ENOX1: variants seen among roughly 807,000 people sequenced by gnomAD.
ENOX1 encodes the protein ecto-NOX disulfide-thiol exchanger 1.
Under a neutral mutation model 82.5 loss-of-function variants are expected in ENOX1, and 42 were observed. The observed-to-expected ratio is 0.51, with a 90% CI of 0.40 to 0.66. The LOEUF is 0.66. Ranked by LOEUF, ENOX1 falls within the 30% of genes least tolerant of loss-of-function variation. ENOX1 has a pLI of 0.00. For missense variants in ENOX1, 608 were observed against 811.6 expected (o/e 0.75, Z 3.05); for synonymous variants, 271 against 282.2 (o/e 0.96, Z 0.40).
At chr13:43,715,113 C>T (rs923205172) in intron 1 of ENOX1, among the ~76,000 whole-genome samples, 15 of 152,076 alleles carry the variant, frequency 9.9e-5, no homozygotes, top group African/African-American at 3.6e-4. Flanking sequence ...CTGGTGGTGA[C>T]AAAATCTCTC....
intron 1 of ENOX1, among the ~76,000 whole-genome samples, chr13:43,718,676 C>CAAAAAAAAAAAAAAAA (rs61671392): frequency 7.2e-5 from 4 of 55,586 alleles, no homozygotes; most frequent in African/African-American, 3.2e-4. Context: ...GACTCCGTCT[C>CAAAAAAAAAAAAAAAA]AAAAAAAAAA....
intron 2 of ENOX1, among the ~76,000 whole-genome samples, chr13:43,553,677 T>C (rs2079305061): frequency 6.8e-6 from 1 of 146,830 alleles, no homozygotes; most frequent in Non-Finnish European, 1.5e-5. Context: ...TTAAGGCTGA[T>C]ATGTTGGAGA....
intron 2 of ENOX1, among the ~76,000 whole-genome samples, chr13:43,657,978 T>C (rs57930593): frequency 1.4e-3 from 208 of 152,340 alleles, no homozygotes; most frequent in African/African-American, 4.9e-3. Context: ...TTAACTTTTA[T>C]AGAATATGAA....
intron 1 of ENOX1, among the ~76,000 whole-genome samples, chr13:43,727,061 C>T (rs899163008): frequency 3.3e-5 from 5 of 152,030 alleles, no homozygotes; most frequent in South Asian, 2.1e-4. Context: ...AGTGATGCAC[C>T]GAAGAACACC....
chr13:43,280,700 A>G (rs2045327023), intron 12 of ENOX1, among the ~76,000 whole-genome samples: 1 of 152,240 alleles, frequency 6.6e-6, no homozygotes, highest in South Asian at 2.1e-4. Context: ...TGATAATTGT[A>G]GAACTTTAGT....
chr13:43,687,742 C>T (rs1039233631), intron 1 of ENOX1, among the ~76,000 whole-genome samples: 1 of 152,052 alleles, frequency 6.6e-6, no homozygotes, highest in African/African-American at 2.4e-5. Flanking sequence ...GCAGAATTTA[C>T]AGTCAGTGGG....
intron 2 of ENOX1, among the ~76,000 whole-genome samples, chr13:43,489,487 T>C (rs1476755712): frequency 6.6e-6 from 1 of 152,184 alleles, no homozygotes; most frequent in Non-Finnish European, 1.5e-5. Context: ...GGCATGAACT[T>C]GCTTGCCACA....
At chr13:43,558,467 G>A (rs1369635846) in intron 2 of ENOX1, among the ~76,000 whole-genome samples, 2 of 152,220 alleles carry the variant, frequency 1.3e-5, no homozygotes, top group Admixed American at 1.3e-4. Context: ...GATTCCAGCA[G>A]AACACTCTGA....
intron 8 of ENOX1, among the ~76,000 whole-genome samples, chr13:43,348,709 T>G (rs541869737): frequency 1.3e-5 from 2 of 152,374 alleles, no homozygotes; most frequent in East Asian, 3.9e-4. Flanking sequence ...GGTTATCAGA[T>G]CCACTGTAAT....
chr13:43,705,273 GGGAC>G (rs2087181067), intron 1 of ENOX1, among the ~76,000 whole-genome samples: 1 of 149,962 alleles, frequency 6.7e-6, no homozygotes, highest in Non-Finnish European at 1.5e-5. Context: ...GTGACAGAGT[GGGAC>G]TCCATCTCAA....
At chr13:43,361,238 A>C (rs1160342135) in intron 6 of ENOX1, 41 bp downstream of exon 6, 3 of 1,590,594 alleles carry the variant, frequency 1.9e-6, no homozygotes, top group Non-Finnish European at 2.6e-6. Context: ...AAAAAGAAAA[A>C]CATTTAAAAT....
chr13:43,238,488 G>T (rs2042658671), intron 14 of ENOX1, among the ~76,000 whole-genome samples: 1 of 152,148 alleles, frequency 6.6e-6, no homozygotes, highest in South Asian at 2.1e-4. Flanking sequence ...AGGGTAGTGG[G>T]GTCAATGGGC....
intron 2 of ENOX1, among the ~76,000 whole-genome samples, chr13:43,656,997 C>A (rs973056618): frequency 8.5e-5 from 13 of 152,140 alleles, no homozygotes; most frequent in African/African-American, 3.1e-4. Flanking sequence ...GATTTATATT[C>A]CTTTTATCTT....
At chr13:43,382,486 T>C (rs1179289937) in intron 5 of ENOX1, among the ~76,000 whole-genome samples, 1 of 152,186 alleles carries the variant, frequency 6.6e-6, no homozygotes, top group Admixed American at 6.5e-5. Context: ...TGCGTGACTT[T>C]CAGAATAACT....
Position 43,356,022 on chromosome 13 carries a change from C to CCGCTCCTCCCGGGCA in ENOX1, c.705_719dup (p.Ala236_Arg240dup). The CCGCTCCTCCCGGGCA allele has an allele frequency of 6.2e-7, 1 of 1,614,072 alleles. No homozygotes were observed. The highest frequency in any genetic ancestry group is 8.5e-7 in the Non-Finnish European group (1 of 1,180,028). ...GGTCCTCCTCCAGCTTGCGCCGGTGCCGCTCCTCCCGGGCACGCATCCTCT... is the reference window on the plus strand; with the variant it reads ...GGTCCTCCTCCAGCTTGCGCCGGTGCCGCTCCTCCCGGGCACGCTCCTCCCGGGCACGCATCCTCT... On this transcript the variant is annotated inframe_insertion, in exon 8 of 17. Coordinates refer to ENST00000690772, the MANE Select transcript of ENOX1 (RefSeq NM_001347969.2).
chr13:43,420,311 A>T (rs191067793), intron 3 of ENOX1, among the ~76,000 whole-genome samples: 178 of 152,370 alleles, frequency 1.2e-3, no homozygotes, highest in African/African-American at 4.2e-3. Flanking sequence ...ATGATAAACT[A>T]TGTAACTGTA....
chr13:43,669,068 A>C (rs2085128794), intron 1 of ENOX1, among the ~76,000 whole-genome samples: 1 of 152,208 alleles, frequency 6.6e-6, no homozygotes, highest in Non-Finnish European at 1.5e-5. Flanking sequence ...AAGATGCACT[A>C]CTCAGAAGTC....
intron 1 of ENOX1, among the ~76,000 whole-genome samples, chr13:43,715,013 C>T (rs910982575): frequency 1.8e-4 from 27 of 152,274 alleles, no homozygotes; most frequent in East Asian, 1.5e-3. Context: ...CCTTGATGGT[C>T]GTTACATTTT....
At chr13:43,462,970 G>C (rs1323431655) in intron 3 of ENOX1, among the ~76,000 whole-genome samples, 1 of 152,160 alleles carries the variant, frequency 6.6e-6, no homozygotes, top group African/African-American at 2.4e-5. Flanking sequence ...AAAAATCGGT[G>C]CCTCTCATTC....
Sources: allele counts gnomAD v4.1 joint callset (sites outside exome capture counted in the v4.1 genomes callset), GRCh38; gene constraint gnomAD v4.1.1; transcripts MANE v1.5; gene names NCBI Gene and HGNC (gene_info 2026-07-23, HGNC 2026-07-21).